Variants in RBFOX1 observed in about 807,000 individuals in gnomAD.
The protein encoded by RBFOX1 is RNA binding fox-1 homolog 1, also known as RNA binding protein fox-1 homolog 1.
A neutral mutation model predicts 57.7 loss-of-function variants in RBFOX1; 8 were observed. That is an observed-to-expected ratio of 0.14 (90% CI 0.08 to 0.25). The LOEUF (loss-of-function observed/expected upper bound fraction) is 0.25, where lower values mean the gene tolerates loss of function less well. Ranked by LOEUF, RBFOX1 falls within the 10% of genes least tolerant of loss-of-function variation. RBFOX1 has a pLI of 1.00. For missense variants in RBFOX1, 611 were observed against 548.5 expected (o/e 1.11, Z -1.14); for synonymous variants, 326 against 222.4 (o/e 1.47, Z -4.15).
chr16:7,667,691 T>C (rs1278720342), intron 13 of RBFOX1, among the ~76,000 whole-genome samples: 1 of 152,076 alleles, frequency 6.6e-6, no homozygotes, highest in Non-Finnish European at 1.5e-5. Context: ...TTGTTATTAT[T>C]ATATTTTTTG....
At chr16:6,016,709 T>C (rs2094995856), upstream of RBFOX1, among the ~76,000 whole-genome samples, 1 of 152,216 alleles carries the variant, frequency 6.6e-6, no homozygotes, top group African/African-American at 2.4e-5. Context: ...CTCCAGGTTC[T>C]TTCTAACCAT....
chr16:6,462,289 T>C (rs1250578061), intron 2 of RBFOX1, among the ~76,000 whole-genome samples: 1 of 152,198 alleles, frequency 6.6e-6, no homozygotes, highest in African/African-American at 2.4e-5. Flanking sequence ...CTCTTCTGTA[T>C]GGTCCCCTTT....
chr16:6,681,669 C>T (rs895177478), intron 3 of RBFOX1, among the ~76,000 whole-genome samples: 6 of 38,738 alleles, frequency 1.5e-4, no homozygotes, highest in Non-Finnish European at 3.2e-4. Flanking sequence ...GTCATTTAAC[C>T]AGAAAAAAAA....
At chr16:6,426,088 CTCT>C (rs1567244203) in intron 2 of RBFOX1, among the ~76,000 whole-genome samples, 5,454 of 150,034 alleles carry the variant, frequency 0.036, 347 homozygotes, top group African/African-American at 0.13. Context: ...TTTTCTCCCT[CTCT>C]CTCTCTCTCT....
chr16:6,401,999 G>A (rs939510660), intron 2 of RBFOX1, among the ~76,000 whole-genome samples: 7 of 151,576 alleles, frequency 4.6e-5, no homozygotes, highest in South Asian at 4.2e-4. Flanking sequence ...GCTAACTGTC[G>A]AAACGTTCCT....
At chr16:6,602,980 T>G (rs1213905639) in intron 2 of RBFOX1, among the ~76,000 whole-genome samples, 1 of 152,194 alleles carries the variant, frequency 6.6e-6, no homozygotes, top group Non-Finnish European at 1.5e-5. Context: ...ACCCTTTTTC[T>G]AATCATCAGT....
intron 4 of RBFOX1, among the ~76,000 whole-genome samples, chr16:7,182,222 G>C (rs1188716435): frequency 6.6e-6 from 1 of 152,110 alleles, no homozygotes; most frequent in East Asian, 1.9e-4. Context: ...GCTACATGAA[G>C]TTGTTACAGG....
intron 2 of RBFOX1, among the ~76,000 whole-genome samples, chr16:6,445,295 T>C (rs375984445): frequency 6.6e-6 from 1 of 152,270 alleles, no homozygotes; most frequent in Admixed American, 6.5e-5. Flanking sequence ...ACGTGCAGGT[T>C]TGTTACATAT....
intron 3 of RBFOX1, among the ~76,000 whole-genome samples, chr16:6,875,759 C>A (rs1291603561): frequency 3.3e-5 from 5 of 152,160 alleles, no homozygotes; most frequent in African/African-American, 1.2e-4. Flanking sequence ...AACAGCAGCA[C>A]TTTGGGAGGC....
intron 1 of RBFOX1, among the ~76,000 whole-genome samples, chr16:6,217,826 C>A (rs542952050): frequency 6.6e-6 from 1 of 151,978 alleles, no homozygotes; most frequent in African/African-American, 2.4e-5. Context: ...ACCAGCCGGG[C>A]GAACATGGCA....
At chr16:5,939,703 A>G (rs970299305) in intron 4 of RBFOX1, among the ~76,000 whole-genome samples, 2 of 151,972 alleles carry the variant, frequency 1.3e-5, no homozygotes, top group Non-Finnish European at 2.9e-5. Context: ...CCATTTTTTA[A>G]AAAAAAAAGT....
rs1026593399 is a variant in RBFOX1, at chr16:6,601,545, A to T, written c.-63-53058A>T. Among the ~76,000 whole-genome samples the T allele has an allele frequency of 2.0e-5, 3 of 152,026 alleles. 1 individual carries two copies. Among genetic ancestry groups the T allele is most frequent in the Admixed American group, 2.0e-4 (3 of 15,254 alleles). On this transcript the variant is annotated intron_variant, in intron 2 of 15. Coordinates refer to ENST00000550418, the MANE Select transcript of RBFOX1 (RefSeq NM_018723.4). ...CCATTCTACTCATAGTTTTGCAAGC[A>T]CCCTATGCTTGGAGTTAGCTCTGGT...
intron 3 of RBFOX1, among the ~76,000 whole-genome samples, chr16:6,811,735 A>G (rs2088652544): frequency 6.6e-6 from 1 of 152,100 alleles, no homozygotes; most frequent in Non-Finnish European, 1.5e-5. Context: ...TCAAAAATAC[A>G]GAAATTAGCT....
chr16:7,398,943 T>G (rs963457727), intron 4 of RBFOX1, among the ~76,000 whole-genome samples: 2 of 152,140 alleles, frequency 1.3e-5, no homozygotes, highest in African/African-American at 4.8e-5. Flanking sequence ...CAATAGAAAT[T>G]TACTCTCTTC....
chr16:7,094,766 GTGTGTGTGTGGGT>G (rs1567232459), intron 4 of RBFOX1, among the ~76,000 whole-genome samples: 5 of 141,124 alleles, frequency 3.5e-5, no homozygotes, highest in African/African-American at 1.2e-4. Flanking sequence ...GTGTGTGTGT[GTGTGTGTGTGGGT>G]GTGTGTGTGT....
At chr16:5,353,741 C>G (rs1433535103) in intron 1 of RBFOX1, among the ~76,000 whole-genome samples, 4 of 68,110 alleles carry the variant, frequency 5.9e-5, no homozygotes, top group African/African-American at 1.5e-4. Context: ...AAAAAAAAAC[C>G]TCGCCATGCC....
At position 7,710,338 on chromosome 16, in the gene RBFOX1, G is replaced by A. The variant is rs140736977; in HGVS notation, c.1072-285G>A. On this transcript the variant is annotated intron_variant, in intron 15 of 15. Coordinates refer to ENST00000550418, the MANE Select transcript of RBFOX1 (RefSeq NM_018723.4). ...GCAGATTATTCTGTTATAAAAAAAT[G>A]AGACAGTGAAAATCCTTCCATTGTC... The A allele has an allele frequency of 4.6e-5, 57 of 1,251,064 alleles. No individual in the cohort carries two copies. The African/African-American group carries it at 8.3e-4, about 18-fold the overall frequency. The allele number at this position is 1,251,064 out of a possible 1,614,324, so 77.5% of individuals were successfully genotyped here.
At chr16:5,943,370 G>C (rs896688113) in intron 4 of RBFOX1, among the ~76,000 whole-genome samples, 1 of 152,168 alleles carries the variant, frequency 6.6e-6, no homozygotes, top group African/African-American at 2.4e-5. Context: ...TTGATACCAA[G>C]CCTTGTAGGG....
At chr16:5,286,559 C>G (rs1390629976) in intron 1 of RBFOX1, among the ~76,000 whole-genome samples, 1 of 152,178 alleles carries the variant, frequency 6.6e-6, no homozygotes, top group Admixed American at 6.5e-5. Context: ...ATACAACTTA[C>G]CCTCACAGCT....
Sources: gnomAD v4.1 joint callset for allele counts (sites outside exome capture counted in the v4.1 genomes callset) on GRCh38, gnomAD v4.1.1 for gene constraint, MANE v1.5 for transcripts, NCBI Gene and HGNC (gene_info 2026-07-23, HGNC 2026-07-21) for gene names.